DDC: variants seen among roughly 807,000 people sequenced by gnomAD.
DDC encodes dopa decarboxylase.
In DDC, 43 loss-of-function variants were observed where a neutral mutation model predicts 60.0. The observed-to-expected ratio is 0.72, with a 90% CI of 0.56 to 0.92. The LOEUF is 0.92. Ranked by LOEUF, DDC falls within the 40% of genes least tolerant of loss-of-function variation. The pLI is 0.00. For missense variants in DDC, 573 were observed against 620.2 expected, an observed-to-expected ratio of 0.92 and a Z score of 0.81; for synonymous variants, 232 against 234.6, an observed-to-expected ratio of 0.99 and a Z score of 0.10.
chr7:50,468,081 G>C (rs866459707), intron 12 of DDC, among the ~76,000 whole-genome samples: 4 of 152,272 alleles, frequency 2.6e-5, no homozygotes, highest in Non-Finnish European at 5.9e-5. Context: ...CTAAGCCCGC[G>C]GATACAGCAG....
intron 14 of DDC, among the ~76,000 whole-genome samples, chr7:50,459,104 G>A (rs1029332107): frequency 8.5e-5 from 13 of 152,210 alleles, no homozygotes; most frequent in African/African-American, 2.4e-4. Flanking sequence ...TTGCAGGCGC[G>A]CACCACCACG....
chr7:50,519,277 T>A (rs1197480343), intron 6 of DDC, among the ~76,000 whole-genome samples: 1 of 152,186 alleles, frequency 6.6e-6, no homozygotes, highest in Non-Finnish European at 1.5e-5. Context: ...CCAGGAACAC[T>A]TCTACACTGC....
At chr7:50,492,858 T>G in intron 9 of DDC, 2 of 1,564,814 alleles carry the variant, frequency 1.3e-6, no homozygotes, top group South Asian at 2.3e-5. Flanking sequence ...GCCAACTTGC[T>G]GGCATCAGCT....
chr7:50,533,654 C>T (rs776950827), intron 4 of DDC, among the ~76,000 whole-genome samples: 1 of 151,902 alleles, frequency 6.6e-6, no homozygotes, highest in Non-Finnish European at 1.5e-5. Flanking sequence ...TAGAAGATAA[C>T]AAAAAAGGGA....
At chr7:50,512,017 C>T (rs1383455178) in intron 6 of DDC, among the ~76,000 whole-genome samples, 1 of 151,828 alleles carries the variant, frequency 6.6e-6, no homozygotes, top group Admixed American at 6.6e-5. Flanking sequence ...TCCACAAAAC[C>T]AAACACCACC....
rs114974432 is a variant in DDC at position 50,555,772 on chromosome 7, C to G, written c.-29+9513G>C. Among the ~76,000 whole-genome samples, 1,144 of 152,152 alleles carry G rather than the reference C, an allele frequency of 7.5e-3. 15 individuals are homozygous for G. Among genetic ancestry groups the G allele is most frequent in the African/African-American group, 0.025 (1,055 of 41,506 alleles). On this transcript the variant is annotated intron_variant, in intron 1 of 14. Transcript: ENST00000444124. ...TACTCCCTTTAACAGATGAGAAGAC[C>G]GAGGCGCAGAGAGGCTGCACAACTG...
At chr7:50,539,495 G>A (rs969901238) in intron 3 of DDC, among the ~76,000 whole-genome samples, 4 of 152,184 alleles carry the variant, frequency 2.6e-5, no homozygotes, top group African/African-American at 9.7e-5. Context: ...TAGGCTGGTT[G>A]GAGCCTCTCC....
intron 9 of DDC, among the ~76,000 whole-genome samples, chr7:50,481,388 C>G (rs1441444989): frequency 1.3e-5 from 2 of 152,074 alleles, no homozygotes; most frequent in East Asian, 3.9e-4. Context: ...CTTTGGGTCT[C>G]TCTGCATTAG....
At position 50,499,920 on chromosome 7, in the gene DDC, C is replaced by T. The variant is rs140474684; in HGVS notation, c.782-678G>A. 4.6e-5 allele frequency among the ~76,000 whole-genome samples: 7 copies of T among 152,316 alleles called. No homozygotes were observed. In the East Asian group the frequency reaches 1.3e-3, roughly 29 times the overall value. On this transcript the variant is annotated intron_variant, in intron 7 of 14. Coordinates refer to ENST00000444124, the MANE Select transcript of DDC (RefSeq NM_001082971.2). ...TTGCTCCCCAGCCAAGGGGCCCTATCTACTTCTCCAAGCCTCACTCTCCTC... is the reference window on the plus strand; with the variant it reads ...TTGCTCCCCAGCCAAGGGGCCCTATTTACTTCTCCAAGCCTCACTCTCCTC...
chr7:50,473,179 G>A (rs189158717), intron 11 of DDC, among the ~76,000 whole-genome samples: 2 of 152,322 alleles, frequency 1.3e-5, no homozygotes, highest in East Asian at 1.9e-4. Flanking sequence ...CCTGGGTTGT[G>A]GCAGATGGAG....
intron 6 of DDC, among the ~76,000 whole-genome samples, chr7:50,511,911 C>T (rs1208746809): frequency 2.0e-5 from 3 of 151,980 alleles, no homozygotes; most frequent in Non-Finnish European, 2.9e-5. Context: ...TATCCAACTA[C>T]ATCAATAATT....
intron 1 of DDC, among the ~76,000 whole-genome samples, chr7:50,562,609 C>G (rs2045366468): frequency 1.3e-5 from 2 of 152,158 alleles, no homozygotes; most frequent in African/African-American, 2.4e-5. Flanking sequence ...GCAATGCACC[C>G]ATGAGAAAGA....
At chr7:50,470,495 A>C (rs1323226473) in intron 11 of DDC, among the ~76,000 whole-genome samples, 1 of 152,236 alleles carries the variant, frequency 6.6e-6, no homozygotes, top group East Asian at 1.9e-4. Flanking sequence ...CGTGGTGAGC[A>C]AACAGGGAAG....
intron 6 of DDC, chr7:50,527,606 G>C (rs996103919): frequency 2.5e-5 from 4 of 158,296 alleles, no homozygotes; most frequent in Admixed American, 2.4e-4. Flanking sequence ...GATTCAAATG[G>C]ACCTTACCTC....
chr7:50,496,277 G>A (rs905062786), intron 8 of DDC, among the ~76,000 whole-genome samples: 1 of 152,022 alleles, frequency 6.6e-6, no homozygotes, highest in Admixed American at 6.6e-5. Context: ...TGTAGAGACA[G>A]TGTGTCTCAT....
intron 6 of DDC, among the ~76,000 whole-genome samples, chr7:50,511,303 T>A (rs532246632): frequency 8.9e-5 from 10 of 111,934 alleles, no homozygotes; most frequent in African/African-American, 3.2e-4. Context: ...CGACTTTTTT[T>A]AACAAAATTA....
chr7:50,543,871 G>C lies in DDC; in HGVS notation c.201+14C>G. On this transcript the variant is annotated intron_variant, in intron 2 of 14. Transcript: ENST00000444124. ...TCTAGCCCTCCTGTTTTCTGACCTT[G>C]GATACACACTTACCCCAGGCATGAT... 1 of 1,612,686 alleles carries C rather than the reference G, an allele frequency of 6.2e-7. No individual in the cohort carries two copies. Among genetic ancestry groups the C allele is most frequent in the Non-Finnish European group, 8.5e-7 (1 of 1,178,820 alleles).
At chr7:50,521,131 T>C (rs1344619144) in intron 6 of DDC, among the ~76,000 whole-genome samples, 1 of 152,042 alleles carries the variant, frequency 6.6e-6, no homozygotes, top group Non-Finnish European at 1.5e-5. Context: ...CCATCATTAC[T>C]AATCCTATGG....
chr7:50,488,150 A>G (rs1484601529), intron 9 of DDC, among the ~76,000 whole-genome samples: 1 of 151,424 alleles, frequency 6.6e-6, no homozygotes, highest in Non-Finnish European at 1.5e-5. Flanking sequence ...TAATCTATTA[A>G]AAAATTAATT....
Sources: gnomAD v4.1 joint callset for allele counts (sites outside exome capture counted in the v4.1 genomes callset) on GRCh38, gnomAD v4.1.1 for gene constraint, MANE v1.5 for transcripts, NCBI Gene and HGNC (gene_info 2026-07-23, HGNC 2026-07-21) for gene names.